Variants in GRIK2 observed in about 807,000 individuals in gnomAD.
The protein encoded by GRIK2 is glutamate receptor ionotropic, kainate 2.
In GRIK2, 32 loss-of-function variants were observed where a neutral mutation model predicts 100.3. The ratio of observed to expected loss-of-function variants is 0.32; its 90% CI spans 0.24 to 0.43. The LOEUF is 0.43. Among genes scored for constraint, GRIK2 ranks in the 20% least tolerant of loss-of-function variants. The probability of loss-of-function intolerance (pLI) is 1.00; values close to 1 mark genes in which losing one functional copy is unlikely to be tolerated. For missense variants in GRIK2, 843 were observed against 1,114.9 expected (o/e 0.76, Z 3.47); for synonymous variants, 417 against 389.4 (o/e 1.07, Z -0.83).
At chr6:101,946,978 C>G (rs980706221) in intron 14 of GRIK2, among the ~76,000 whole-genome samples, 1 of 151,942 alleles carries the variant, frequency 6.6e-6, no homozygotes, top group Non-Finnish European at 1.5e-5. Flanking sequence ...AAAAGGGCTC[C>G]TAGGACCTTG....
At chr6:101,514,088 G>C (rs1429608956) in intron 2 of GRIK2, among the ~76,000 whole-genome samples, 1 of 152,028 alleles carries the variant, frequency 6.6e-6, no homozygotes, top group Non-Finnish European at 1.5e-5. Flanking sequence ...CCTAAGTAGA[G>C]ATTACAAGAT....
chr6:101,462,650 G>T (rs909909246), intron 2 of GRIK2, among the ~76,000 whole-genome samples: 2 of 152,336 alleles, frequency 1.3e-5, no homozygotes, highest in South Asian at 2.1e-4. Flanking sequence ...AGTCAGGCCT[G>T]TGCCTGTGTT....
At chr6:102,035,315 G>A (rs776318091) in intron 14 of GRIK2, 26 bp from the exon 15 acceptor site, 7 of 1,380,400 alleles carry the variant, frequency 5.1e-6, no homozygotes, top group Non-Finnish European at 7.2e-6. Flanking sequence ...ACTTTCTCGT[G>A]ACCAACTTAT....
chr6:101,970,194 G>A (rs1372454211), intron 14 of GRIK2, among the ~76,000 whole-genome samples: 1 of 146,116 alleles, frequency 6.8e-6, no homozygotes, highest in Non-Finnish European at 1.5e-5. Flanking sequence ...AATGCCAAAG[G>A]GCCAGAGTAA....
chr6:102,046,947 A>G (rs940495176), intron 15 of GRIK2, among the ~76,000 whole-genome samples: 3 of 152,202 alleles, frequency 2.0e-5, no homozygotes, highest in Admixed American at 6.5e-5. Flanking sequence ...ATTAAACAAC[A>G]TGCTCCTGAA....
intron 15 of GRIK2, among the ~76,000 whole-genome samples, chr6:102,051,256 CCTTCCTTCCTT>C (rs1562140239): frequency 3.9e-4 from 22 of 56,554 alleles, no homozygotes; most frequent in African/African-American, 1.4e-3. Context: ...TCCCTCCCTT[CCTTCCTTCCTT>C]CCTTCCTTCC....
At chr6:101,431,624 T>C (rs1348978962) in intron 2 of GRIK2, 1 of 152,210 alleles carries the variant, frequency 6.6e-6, no homozygotes, top group African/African-American at 2.4e-5. Flanking sequence ...TATTTCTGTA[T>C]GTATAGAAGA....
rs569555012 is a variant in GRIK2 at position 101,449,336 on chromosome 6, T to TTA, written c.115+49947_115+49948dup. Among the ~76,000 whole-genome samples the TTA allele has an allele frequency of 6.3e-3, 950 of 151,836 alleles. 2 individuals carry two copies. The highest frequency in any genetic ancestry group is 1.0e-2 in the Non-Finnish European group (676 of 67,732). On this transcript the variant is annotated intron_variant, in intron 2 of 16. Transcript: ENST00000369134. ...AATTTTTAAAAACAACTGCATTACT[T>TTA]TATAGCTGAAATCGACACCAAACAT...
At chr6:101,440,177 G>C (rs933254848) in intron 2 of GRIK2, among the ~76,000 whole-genome samples, 3 of 152,144 alleles carry the variant, frequency 2.0e-5, no homozygotes, top group African/African-American at 7.2e-5. Flanking sequence ...AAAAGTGCTT[G>C]AAAAAGAATC....
At chr6:101,538,024 A>T (rs1358007632) in intron 2 of GRIK2, among the ~76,000 whole-genome samples, 1 of 151,856 alleles carries the variant, frequency 6.6e-6, no homozygotes, top group African/African-American at 2.4e-5. Flanking sequence ...CCATAGAAAC[A>T]AGAATGTATG....
At chr6:101,396,793 A>G (rs141219566) in intron 1 of GRIK2, among the ~76,000 whole-genome samples, 18 of 152,316 alleles carry the variant, frequency 1.2e-4, no homozygotes, top group Non-Finnish European at 2.2e-4. Flanking sequence ...TAGAAGTTCA[A>G]CTGGACAGGT....
At chr6:101,610,641 A>G (rs1395056778) in intron 2 of GRIK2, among the ~76,000 whole-genome samples, 6 of 151,828 alleles carry the variant, frequency 4.0e-5, no homozygotes, top group Non-Finnish European at 8.8e-5. Context: ...TTTTAGAATC[A>G]TTAAAGTGTT....
At chr6:101,557,369 A>T (rs540437366) in intron 2 of GRIK2, among the ~76,000 whole-genome samples, 385 of 152,308 alleles carry the variant, frequency 2.5e-3, no homozygotes, top group African/African-American at 8.8e-3. Flanking sequence ...GGCAATTTTT[A>T]AAAAATATCT....
intron 14 of GRIK2, among the ~76,000 whole-genome samples, chr6:102,001,767 A>C (rs1794954246): frequency 6.6e-6 from 1 of 151,786 alleles, no homozygotes; most frequent in Admixed American, 6.6e-5. Context: ...TATTTTATAT[A>C]TTTTATTTTC....
At chr6:101,630,801 T>C (rs1325378855) in intron 4 of GRIK2, among the ~76,000 whole-genome samples, 2 of 152,096 alleles carry the variant, frequency 1.3e-5, no homozygotes, top group Non-Finnish European at 2.9e-5. Flanking sequence ...ATTACTGTCT[T>C]TATGATGGAC....
intron 14 of GRIK2, among the ~76,000 whole-genome samples, chr6:101,947,650 C>T (rs1791362001): frequency 6.6e-6 from 1 of 152,116 alleles, no homozygotes; most frequent in Admixed American, 6.6e-5. Flanking sequence ...TTTGTTAAAA[C>T]ATGCATATAA....
At chr6:101,558,823 A>G (rs1776863883) in intron 2 of GRIK2, among the ~76,000 whole-genome samples, 1 of 152,056 alleles carries the variant, frequency 6.6e-6, no homozygotes, top group East Asian at 1.9e-4. Context: ...GTTGTCTAAA[A>G]TCTTCCTGTC....
chr6:101,454,888 A>C (rs1770912128), intron 2 of GRIK2, among the ~76,000 whole-genome samples: 1 of 152,142 alleles, frequency 6.6e-6, no homozygotes, highest in South Asian at 2.1e-4. Context: ...ATTTTCCATG[A>C]ACATTTACAA....
intron 9 of GRIK2, among the ~76,000 whole-genome samples, chr6:101,814,961 G>C (rs117529190): frequency 0.044 from 6,639 of 152,136 alleles, 175 homozygotes; most frequent in Non-Finnish European, 0.058. Context: ...ACACTATGTT[G>C]AATACTTTTT....
Sources: gnomAD v4.1 joint callset for allele counts (sites outside exome capture counted in the v4.1 genomes callset) on GRCh38, gnomAD v4.1.1 for gene constraint, MANE v1.5 for transcripts, NCBI Gene and HGNC (gene_info 2026-07-23, HGNC 2026-07-21) for gene names.